TENM3: variants seen among roughly 807,000 people sequenced by gnomAD.
TENM3 encodes the protein teneurin-3.
A neutral mutation model predicts 255.1 loss-of-function variants in TENM3; 63 were observed. The observed-to-expected ratio is 0.25, with a 90% CI of 0.20 to 0.30. The LOEUF is 0.30. Ranked by LOEUF, TENM3 falls within the 10% of genes least tolerant of loss-of-function variation. The pLI, the probability that TENM3 is intolerant of heterozygous loss-of-function variation, is 1.00. For missense variants in TENM3, 2,929 were observed against 3,461.1 expected, an observed-to-expected ratio of 0.85 and a Z score of 3.86; for synonymous variants, 1,306 against 1,322.3, an observed-to-expected ratio of 0.99 and a Z score of 0.27.
At chr4:181,618,305 T>G in the TENM3 span, among the ~76,000 whole-genome samples, 1 of 152,186 alleles carries the variant, frequency 6.6e-6, no homozygotes, top group African/African-American at 2.4e-5. Context: ...CAATTAGCTG[T>G]GTCCGCTCTG....
intron 1 of TENM3, among the ~76,000 whole-genome samples, chr4:182,150,634 C>T (rs1309562341): frequency 2.0e-5 from 3 of 151,790 alleles, no homozygotes; most frequent in Non-Finnish European, 2.9e-5. Flanking sequence ...TTAAAAAAAC[C>T]CACACGACTC....
chr4:182,542,193 A>G (rs1740952136), intron 3 of TENM3, among the ~76,000 whole-genome samples: 1 of 152,214 alleles, frequency 6.6e-6, no homozygotes, highest in Non-Finnish European at 1.5e-5. Context: ...TTGTTTGTAA[A>G]TTGAGTGCTT....
At chr4:181,679,298 T>C in the TENM3 span, among the ~76,000 whole-genome samples, 1 of 152,172 alleles carries the variant, frequency 6.6e-6, no homozygotes, top group Non-Finnish European at 1.5e-5. Context: ...ATGGAATCTC[T>C]GTGAGTCTGC....
chr4:182,794,584 T>C (rs1766354222), intron 26 of TENM3, among the ~76,000 whole-genome samples: 1 of 152,256 alleles, frequency 6.6e-6, no homozygotes, highest in Non-Finnish European at 1.5e-5. Context: ...ACTGTCTTCA[T>C]TGCCAGTGCA....
intron 3 of TENM3, among the ~76,000 whole-genome samples, chr4:182,359,497 T>G (rs1227940990): frequency 6.6e-6 from 1 of 151,154 alleles, no homozygotes; most frequent in Non-Finnish European, 1.5e-5. Flanking sequence ...ATTTTCTAGT[T>G]TATTTGCGTA....
chr4:181,895,308 A>G, the TENM3 span, among the ~76,000 whole-genome samples: 4 of 152,114 alleles, frequency 2.6e-5, no homozygotes, highest in Admixed American at 2.6e-4. Flanking sequence ...AAACATCTGT[A>G]AAGGCTTAGG....
chr4:181,905,988 C>T, the TENM3 span: 35 of 500,682 alleles, frequency 7.0e-5, no homozygotes, highest in Admixed American at 8.2e-4. Context: ...CTTTTTTACT[C>T]AATTTCTCAT....
the TENM3 span, among the ~76,000 whole-genome samples, chr4:181,551,636 CGTT>C: frequency 2.6e-5 from 4 of 151,976 alleles, no homozygotes; most frequent in African/African-American, 9.7e-5. Flanking sequence ...ATAGGGCAAT[CGTT>C]GTCACAAACA....
At chr4:182,090,646 G>A in the TENM3 span, among the ~76,000 whole-genome samples, 6 of 152,282 alleles carry the variant, frequency 3.9e-5, no homozygotes, top group Middle Eastern at 6.8e-3. Context: ...TATATGAAAT[G>A]TGTGTGTATG....
chr4:182,544,537 G>A (rs1301137779), intron 3 of TENM3, among the ~76,000 whole-genome samples: 2 of 151,764 alleles, frequency 1.3e-5, no homozygotes, highest in African/African-American at 4.8e-5. Flanking sequence ...CACCATGTTG[G>A]CCAGGCTGGT....
intron 3 of TENM3, among the ~76,000 whole-genome samples, chr4:182,383,612 C>T (rs1767714173): frequency 6.6e-6 from 1 of 152,050 alleles, no homozygotes; most frequent in African/African-American, 2.4e-5. Flanking sequence ...TTTTTCCATG[C>T]CTGTCTTCCA....
At chr4:182,425,597 A>G in intron 3 of TENM3, among the ~76,000 whole-genome samples, 1 of 152,200 alleles carries the variant, frequency 6.6e-6, no homozygotes, top group Non-Finnish European at 1.5e-5. Flanking sequence ...GTTAGCCATG[A>G]TCAGATTGAT....
At chr4:181,611,576 G>C in the TENM3 span, among the ~76,000 whole-genome samples, 1 of 151,864 alleles carries the variant, frequency 6.6e-6, no homozygotes, top group African/African-American at 2.4e-5. Flanking sequence ...ACGATACGGA[G>C]TCTGTTTGGT....
chr4:182,459,679 CAA>C (rs1774178594), intron 3 of TENM3, among the ~76,000 whole-genome samples: 1 of 151,824 alleles, frequency 6.6e-6, no homozygotes, highest in Non-Finnish European at 1.5e-5. Context: ...ATTCAAAGTA[CAA>C]AGTCTTTCAA....
At chr4:182,401,498 G>A (rs1769211919) in intron 3 of TENM3, among the ~76,000 whole-genome samples, 1 of 152,146 alleles carries the variant, frequency 6.6e-6, no homozygotes, top group African/African-American at 2.4e-5. Flanking sequence ...TTTGATATAA[G>A]GCCAAACTTT....
the TENM3 span, among the ~76,000 whole-genome samples, chr4:182,129,463 A>C: frequency 1.3e-5 from 2 of 152,190 alleles, no homozygotes; most frequent in Non-Finnish European, 2.9e-5. Context: ...ATATATGATC[A>C]AAATGTTACA....
At chr4:181,937,306 T>C in the TENM3 span, among the ~76,000 whole-genome samples, 1 of 152,186 alleles carries the variant, frequency 6.6e-6, no homozygotes, top group African/African-American at 2.4e-5. Context: ...AGAGTTTGCT[T>C]TTGATGCTAA....
the TENM3 span, among the ~76,000 whole-genome samples, chr4:181,826,545 C>G: frequency 6.6e-6 from 1 of 152,210 alleles, no homozygotes; most frequent in Non-Finnish European, 1.5e-5. Flanking sequence ...TACTAAGCAC[C>G]AGGGCCAGGG....
intron 3 of TENM3, among the ~76,000 whole-genome samples, chr4:182,382,103 G>T (rs571724298): frequency 1.3e-5 from 2 of 152,178 alleles, no homozygotes; most frequent in Non-Finnish European, 2.9e-5. Context: ...ATGTGGATTT[G>T]GTTGACTATC....
Sources: allele counts gnomAD v4.1 joint callset (sites outside exome capture counted in the v4.1 genomes callset), GRCh38; gene constraint gnomAD v4.1.1; transcripts MANE v1.5; gene names NCBI Gene and HGNC (gene_info 2026-07-23, HGNC 2026-07-21).